Variants in DTNBP1 observed in about 807,000 individuals in gnomAD.
The protein encoded by DTNBP1 is dystrobrevin binding protein 1.
DTNBP1 carries 35 observed loss-of-function variants against 42.8 expected under a neutral mutation model. The observed-to-expected ratio is 0.82, with a 90% CI of 0.63 to 1.09. The LOEUF (loss-of-function observed/expected upper bound fraction) is 1.09, where lower values mean the gene tolerates loss of function less well. DTNBP1 is among the 50% of genes least tolerant of loss of function. DTNBP1 has a pLI of 0.00. For missense variants in DTNBP1, 457 were observed against 424.2 expected (o/e 1.08, Z -0.68); for synonymous variants, 171 against 162.2 (o/e 1.05, Z -0.41).
chr6:15,575,960 A>AGAG (rs1265660135), intron 7 of DTNBP1, among the ~76,000 whole-genome samples: 2 of 152,216 alleles, frequency 1.3e-5, no homozygotes, highest in Admixed American at 6.5e-5. Context: ...TGTGAGACAC[A>AGAG]GAGGAGGAGG....
intron 6 of DTNBP1, among the ~76,000 whole-genome samples, chr6:15,608,999 T>C (rs907362870): frequency 1.3e-5 from 2 of 152,198 alleles, no homozygotes; most frequent in African/African-American, 4.8e-5. Context: ...ATTTCCTCAA[T>C]AAATTTGTCT....
chr6:15,636,529 A>G (rs1319650955), intron 4 of DTNBP1, among the ~76,000 whole-genome samples: 1 of 152,168 alleles, frequency 6.6e-6, no homozygotes, highest in African/African-American at 2.4e-5. Flanking sequence ...CTATGAGGCC[A>G]ATACCATGGT....
At chr6:15,634,514 C>T (rs1383987028) in intron 4 of DTNBP1, among the ~76,000 whole-genome samples, 2 of 152,128 alleles carry the variant, frequency 1.3e-5, no homozygotes, top group African/African-American at 2.4e-5. Flanking sequence ...GACAGGATTT[C>T]ACCACGTTGC....
intron 6 of DTNBP1, among the ~76,000 whole-genome samples, chr6:15,611,424 G>A (rs1210527806): frequency 1.3e-5 from 2 of 152,138 alleles, no homozygotes; most frequent in Admixed American, 6.5e-5. Context: ...GGAGAACAAC[G>A]TTGTTTCATT....
chr6:15,523,101 G>GT lies in DTNBP1; in HGVS notation c.929_930insA (p.Ser311GlnfsTer2), dbSNP rs756339415. On this transcript the variant is annotated frameshift_variant, in exon 10 of 10. Transcript: ENST00000344537. LOFTEE classifies it low-confidence loss of function (END_TRUNC). The stretch of plus-strand genomic sequence containing the variant: ...CAACGGGGGACTCCCCACCCTCACT[G>GT]ATGTCCCGGGTGGCCGAGTCGGTGC... 3.2e-5 allele frequency: 51 copies of GT among 1,614,128 alleles called. No individual in the cohort carries two copies. The highest frequency in any genetic ancestry group is 4.3e-5 in the Non-Finnish European group (51 of 1,180,056).
chr6:15,523,842 G>A (rs753987409), intron 9 of DTNBP1: 122 of 1,287,232 alleles, frequency 9.5e-5, no homozygotes, highest in East Asian at 5.0e-4. Context: ...GCCAGGAGAA[G>A]CGGGTGAGAA....
At chr6:15,561,300 CCTT>C (rs1282928561) in intron 7 of DTNBP1, among the ~76,000 whole-genome samples, 3 of 152,194 alleles carry the variant, frequency 2.0e-5, no homozygotes, top group African/African-American at 7.2e-5. Context: ...TCATGGAAAG[CCTT>C]CTTATTTAGT....
intron 6 of DTNBP1, among the ~76,000 whole-genome samples, chr6:15,611,609 A>G (rs1758409255): frequency 6.6e-6 from 1 of 152,240 alleles, no homozygotes; most frequent in Admixed American, 6.5e-5. Flanking sequence ...TCCAGATGCC[A>G]TTAAGAATGT....
At chr6:15,586,489 C>T (rs1776084713) in intron 7 of DTNBP1, among the ~76,000 whole-genome samples, 1 of 152,008 alleles carries the variant, frequency 6.6e-6, no homozygotes, top group Non-Finnish European at 1.5e-5. Context: ...TCTATAGCTT[C>T]TGTTCCTTTT....
chr6:15,552,275 A>C (rs564961940), intron 7 of DTNBP1, among the ~76,000 whole-genome samples: 1 of 152,332 alleles, frequency 6.6e-6, no homozygotes, highest in South Asian at 2.1e-4. Flanking sequence ...AATGATCAAT[A>C]AAATACACCC....
intron 9 of DTNBP1, chr6:15,523,819 G>A (rs768889501): frequency 1.1e-4 from 148 of 1,287,088 alleles, no homozygotes; most frequent in Non-Finnish European, 1.3e-4. Context: ...GGATGACACC[G>A]TTCTGACAGA....
At chr6:15,585,799 C>T (rs1243992233) in intron 7 of DTNBP1, 2 of 1,521,530 alleles carry the variant, frequency 1.3e-6, no homozygotes, top group Non-Finnish European at 1.8e-6. Context: ...AAGCTCAGTG[C>T]TGGTCAAGTG....
chr6:15,538,132 G>A (rs1773350549), intron 7 of DTNBP1, among the ~76,000 whole-genome samples: 1 of 152,178 alleles, frequency 6.6e-6, no homozygotes, highest in South Asian at 2.1e-4. Flanking sequence ...CCTAGGTGAT[G>A]TCCATGGCAC....
intron 6 of DTNBP1, among the ~76,000 whole-genome samples, chr6:15,597,583 A>G (rs1457943813): frequency 1.3e-5 from 2 of 152,222 alleles, no homozygotes; most frequent in Non-Finnish European, 2.9e-5. Context: ...CCAATCAGTG[A>G]TCTCTCCTTT....
chr6:15,542,193 G>A (rs1221319620), intron 7 of DTNBP1, among the ~76,000 whole-genome samples: 1 of 152,156 alleles, frequency 6.6e-6, no homozygotes, highest in African/African-American at 2.4e-5. Context: ...GATCAAGAGA[G>A]AACTGTGAAA....
chr6:15,591,257 G>A (rs1776287967), intron 7 of DTNBP1, among the ~76,000 whole-genome samples: 1 of 151,808 alleles, frequency 6.6e-6, no homozygotes. Flanking sequence ...GTACCACCAC[G>A]CCTGACTAGT....
chr6:15,640,796 C>T (rs1721639397), intron 3 of DTNBP1, among the ~76,000 whole-genome samples: 1 of 152,128 alleles, frequency 6.6e-6, no homozygotes, highest in African/African-American at 2.4e-5. Flanking sequence ...CTTGCAGCTT[C>T]CAGGGGAAGG....
intron 6 of DTNBP1, among the ~76,000 whole-genome samples, chr6:15,599,123 A>G (rs1322954813): frequency 2.0e-5 from 3 of 152,214 alleles, no homozygotes; most frequent in Non-Finnish European, 4.4e-5. Context: ...CCACCTTGCA[A>G]GAATCATTTC....
chr6:15,570,910 T>C lies in DTNBP1; in HGVS notation c.511+22149A>G, dbSNP rs1466024870. Among the ~76,000 whole-genome samples, 4 of 152,200 alleles carry C rather than the reference T, an allele frequency of 2.6e-5. No individual in the cohort carries two copies. The East Asian group carries it at 7.7e-4, about 29-fold the overall frequency. On this transcript the variant is annotated intron_variant, in intron 7 of 9. Transcript: ENST00000344537. ...AATAAAAAATTAGTAAACTAGGTAT[T>C]ACAGAAATATAACATATGGTTTAAC...
Sources: gnomAD v4.1 joint callset for allele counts (sites outside exome capture counted in the v4.1 genomes callset) on GRCh38, gnomAD v4.1.1 for gene constraint, MANE v1.5 for transcripts, NCBI Gene and HGNC (gene_info 2026-07-23, HGNC 2026-07-21) for gene names.